DIS3L2: variants seen among roughly 807,000 people sequenced by gnomAD.
The protein encoded by DIS3L2 is DIS3-like exonuclease 2.
In DIS3L2, 34 loss-of-function variants were observed where a neutral mutation model predicts 97.5. The observed-to-expected ratio is 0.35, with a 90% CI of 0.27 to 0.46. The LOEUF is 0.46. Ranked by LOEUF, DIS3L2 falls within the 20% of genes least tolerant of loss-of-function variation. The pLI is 1.00. For missense variants in DIS3L2, 1,038 were observed against 1,146.0 expected (o/e 0.91, Z 1.36); for synonymous variants, 435 against 445.2 (o/e 0.98, Z 0.29).
Position 232,282,017 on chromosome 2 carries a change from C to G in DIS3L2, c.1660-18023C>G, listed in dbSNP as rs549220882. Among the ~76,000 whole-genome samples, 8 of 152,086 alleles carry G rather than the reference C, an allele frequency of 5.3e-5. No individual in the cohort carries two copies. In the South Asian group the frequency reaches 8.3e-4, roughly 16 times the overall value. Reference sequence around the variant, plus strand: ...ACGTGGCACCCATGAAAGCCTCCATCCCCTGACAGTGAGCCCAGAGGCTAC... The same window carrying G: ...ACGTGGCACCCATGAAAGCCTCCATGCCCTGACAGTGAGCCCAGAGGCTAC... On this transcript the variant is annotated intron_variant, in intron 13 of 20. Transcript: ENST00000325385.
intron 9 of DIS3L2, among the ~76,000 whole-genome samples, chr2:232,169,423 C>A (rs1023494191): frequency 6.6e-6 from 1 of 152,066 alleles, no homozygotes; most frequent in Non-Finnish European, 1.5e-5. Flanking sequence ...AGCCCCTGTT[C>A]TTCAGGTAGA....
downstream of DIS3L2, among the ~76,000 whole-genome samples, chr2:232,341,763 C>A (rs929354548): frequency 6.6e-6 from 1 of 151,966 alleles, no homozygotes; most frequent in Non-Finnish European, 1.5e-5. Context: ...AGAAGGGACA[C>A]TGTGCCAGTT....
chr2:232,334,297 A>T lies in DIS3L2; in HGVS notation c.2159-72A>T. On this transcript the variant is annotated intron_variant, in intron 17 of 20. Transcript: ENST00000325385. ...TGTCGGCGGGGGTGCAGCGCCATGCAGCCCATCCCCCAGCCATAGCTCTTC... is the reference window on the plus strand; with the variant it reads ...TGTCGGCGGGGGTGCAGCGCCATGCTGCCCATCCCCCAGCCATAGCTCTTC... 2.0e-6 allele frequency: 3 copies of T among 1,529,800 alleles called. No homozygotes were observed. The South Asian group carries it at 3.5e-5, about 18-fold the overall frequency. The allele number at this position is 1,529,800 out of a possible 1,614,324, so 94.8% of individuals were successfully genotyped here.
At chr2:232,282,339 A>G (rs1319285061) in intron 13 of DIS3L2, among the ~76,000 whole-genome samples, 1 of 152,088 alleles carries the variant, frequency 6.6e-6, no homozygotes, top group Non-Finnish European at 1.5e-5. Context: ...AGTGCCCCCC[A>G]TCCCACCCCT....
Position 232,276,202 on chromosome 2 carries a change from T to G in DIS3L2, c.1659+12762T>G, listed in dbSNP as rs1694135366. Reference sequence around the variant, plus strand: ...GCTAATGAATAGCAGAGTCTACTGGTTTCGAAGCACATTTGAACAGAGAGC... The same window carrying G: ...GCTAATGAATAGCAGAGTCTACTGGGTTCGAAGCACATTTGAACAGAGAGC... On this transcript the variant is annotated intron_variant, in intron 13 of 20. Coordinates refer to ENST00000325385, the MANE Select transcript of DIS3L2 (RefSeq NM_152383.5). The surrounding 1 kb of genome is among the most constrained non-coding windows in gnomAD (Gnocchi z 4.4). 6.6e-6 allele frequency among the ~76,000 whole-genome samples: 1 copy of G among 152,162 alleles called. No homozygotes were observed.
rs777758571 is a variant in DIS3L2, at chr2:232,269,428, G to T, written c.1659+5988G>T. 6.6e-6 allele frequency among the ~76,000 whole-genome samples: 1 copy of T among 152,136 alleles called. No individual in the cohort carries two copies. The highest frequency in any genetic ancestry group is 2.1e-4 in the South Asian group (1 of 4,828). ...ACACGAGGAAGCTATTGATCACAGG[G>T]TTGAGTATATTTGTAGAATCATTCT... On this transcript the variant is annotated intron_variant, in intron 13 of 20. Coordinates refer to ENST00000325385, the MANE Select transcript of DIS3L2 (RefSeq NM_152383.5). This position sits in a 1 kb window ranked among gnomAD's most constrained non-coding sequence, Gnocchi z 4.5.
intron 6 of DIS3L2, among the ~76,000 whole-genome samples, chr2:232,103,700 T>C (rs1408846710): frequency 6.6e-6 from 1 of 152,214 alleles, no homozygotes; most frequent in East Asian, 1.9e-4. Context: ...GCTTTTCTCA[T>C]TGCCTTGGAA....
Position 232,293,594 on chromosome 2 carries a change from G to T in DIS3L2, c.1660-6446G>T, listed in dbSNP as rs1345815293. Among the ~76,000 whole-genome samples the T allele has an allele frequency of 6.6e-6, 1 of 152,216 alleles. No individual in the cohort carries two copies. The highest frequency in any genetic ancestry group is 1.5e-5 in the Non-Finnish European group (1 of 68,042). ...CGCGTCGGGGAGTGCATGGAGCTCT[G>T]CAGGAGCTGGAGAGTGACCCTTCCC... is the stretch of plus-strand genomic sequence containing the variant. On this transcript the variant is annotated intron_variant, in intron 13 of 20. Coordinates refer to ENST00000325385, the MANE Select transcript of DIS3L2 (RefSeq NM_152383.5). The surrounding 1 kb of genome is among the most constrained non-coding windows in gnomAD (Gnocchi z 4.6).
At chr2:232,166,296 C>G (rs1298471506) in intron 9 of DIS3L2, among the ~76,000 whole-genome samples, 1 of 151,354 alleles carries the variant, frequency 6.6e-6, no homozygotes, top group African/African-American at 2.5e-5. Context: ...TGCAGAAAGC[C>G]TTTGTTAAAA....
At chr2:231,988,676 C>T (rs766923357) in intron 1 of DIS3L2, among the ~76,000 whole-genome samples, 2 of 152,096 alleles carry the variant, frequency 1.3e-5, no homozygotes, top group East Asian at 1.9e-4. Context: ...AAGGCCTTAC[C>T]GTGCTTAGGG....
chr2:232,204,256 TGAG>T (rs1175025739), intron 9 of DIS3L2, among the ~76,000 whole-genome samples: 2 of 152,126 alleles, frequency 1.3e-5, no homozygotes, highest in Admixed American at 1.3e-4. Flanking sequence ...GTTAATACCT[TGAG>T]GAGGCTGAGG....
Position 232,015,645 on chromosome 2 carries a change from G to A in DIS3L2, c.184G>A (p.Gly62Ser). 1.2e-6 allele frequency: 2 copies of A among 1,613,860 alleles called. No individual in the cohort carries two copies. The highest frequency in any genetic ancestry group is 2.2e-5 in the South Asian group (2 of 91,058). ...TYMSKEDVSEGLKRGTLIQGV... is the reference protein window; with the variant it reads ...TYMSKEDVSESLKRGTLIQGV... ...CATGTCCAAGGAGGATGTTTCAGAA[G>A]GCTTGAAGAGAGGAACACTCATCCA... Residue 62 changes from glycine to serine, a missense_variant, in exon 3 of 21, where the codon GGC becomes AGC. By Grantham distance (56) the Gly-to-Ser change is moderately conservative. Transcript: ENST00000325385.
At chr2:232,100,790 T>C (rs1429943941) in intron 6 of DIS3L2, among the ~76,000 whole-genome samples, 1 of 139,320 alleles carries the variant, frequency 7.2e-6, no homozygotes, top group African/African-American at 2.7e-5. Context: ...ATTACACATA[T>C]GCTTTGAAAG....
chr2:231,990,561 A>G (rs1215765585), intron 1 of DIS3L2, among the ~76,000 whole-genome samples: 1 of 152,248 alleles, frequency 6.6e-6, no homozygotes, highest in African/African-American at 2.4e-5. Context: ...TACAGAGTAC[A>G]CATGAGAAAT....
rs547140422 is a variant in DIS3L2 at position 232,277,544 on chromosome 2, A to C, written c.1659+14104A>C. On this transcript the variant is annotated intron_variant, in intron 13 of 20. Coordinates refer to ENST00000325385, the MANE Select transcript of DIS3L2 (RefSeq NM_152383.5). ...CTACCTTTTATTATTTTATTATAAA[A>C]GTAATACATATTTATTTTATAAAAA... Among the ~76,000 whole-genome samples the C allele has an allele frequency of 5.3e-5, 8 of 152,232 alleles. No individual in the cohort carries two copies. In the South Asian group the frequency reaches 1.0e-3, roughly 20 times the overall value.
chr2:232,311,788 T>C (rs1343494751), intron 14 of DIS3L2, among the ~76,000 whole-genome samples: 1 of 152,238 alleles, frequency 6.6e-6, no homozygotes, highest in African/African-American at 2.4e-5. Context: ...TGCTGTTGCA[T>C]CTATAGTCCA....
chr2:232,169,134 C>G (rs1363327299), intron 9 of DIS3L2, among the ~76,000 whole-genome samples: 1 of 152,066 alleles, frequency 6.6e-6, no homozygotes, highest in Non-Finnish European at 1.5e-5. Flanking sequence ...GCTCTGAGGT[C>G]CACTGCTTTC....
At chr2:232,286,591 G>A (rs1028959191) in intron 13 of DIS3L2, among the ~76,000 whole-genome samples, 5 of 152,174 alleles carry the variant, frequency 3.3e-5, no homozygotes, top group Admixed American at 2.6e-4. Context: ...AATAACCTCT[G>A]GCCTTACTGT....
intron 10 of DIS3L2, among the ~76,000 whole-genome samples, chr2:232,217,912 G>A (rs996382371): frequency 7.2e-5 from 11 of 152,198 alleles, no homozygotes; most frequent in African/African-American, 1.9e-4. Flanking sequence ...GGCAAAAAGC[G>A]TTTGATCTCA....
Sources: gnomAD v4.1 joint callset for allele counts (sites outside exome capture counted in the v4.1 genomes callset) on GRCh38, gnomAD v4.1.1 for gene constraint, Gnocchi (gnomAD v3.1) non-coding constraint, MANE v1.5 for transcripts, NCBI Gene and HGNC (gene_info 2026-07-23, HGNC 2026-07-21) for gene names.